CACNA2D3: variants seen among roughly 807,000 people sequenced by gnomAD.
The protein encoded by CACNA2D3 is voltage-dependent calcium channel subunit alpha-2/delta-3.
In CACNA2D3, 60 loss-of-function variants were observed where a neutral mutation model predicts 160.6. The observed-to-expected ratio is 0.37, with a 90% confidence interval of 0.30 to 0.46. The LOEUF (loss-of-function observed/expected upper bound fraction) is 0.46. CACNA2D3 is among the 20% of genes least tolerant of loss of function. CACNA2D3 has a pLI of 1.00. For synonymous variants in CACNA2D3, 558 were observed against 492.9 expected (o/e 1.13, Z -1.75); for missense variants, 1,205 against 1,365.0 (o/e 0.88, Z 1.85).
intron 30 of CACNA2D3, among the ~76,000 whole-genome samples, chr3:54,987,201 TC>T: frequency 6.6e-6 from 1 of 152,278 alleles, no homozygotes; most frequent in East Asian, 1.9e-4. Context: ...AAGGGTGGAT[TC>T]TCAACTGCAG....
At chr3:54,750,087 A>T (rs1253410427) in intron 11 of CACNA2D3, among the ~76,000 whole-genome samples, 1 of 152,224 alleles carries the variant, frequency 6.6e-6, no homozygotes, top group Non-Finnish European at 1.5e-5. Flanking sequence ...TTTTCCAAAT[A>T]GGTTGCCATC....
At chr3:54,912,776 A>G (rs1324556755) in intron 27 of CACNA2D3, among the ~76,000 whole-genome samples, 1 of 152,026 alleles carries the variant, frequency 6.6e-6, no homozygotes, top group Non-Finnish European at 1.5e-5. Context: ...CATGGGACAG[A>G]TATTTTATAT....
chr3:54,886,744 A>T (rs4309692), intron 23 of CACNA2D3, among the ~76,000 whole-genome samples: 22,716 of 151,756 alleles, frequency 0.15, 1,818 homozygotes, highest in Middle Eastern at 0.2. Flanking sequence ...ATATTATAAT[A>T]CATACAATAT....
At chr3:54,979,954 A>G (rs1210094962) in intron 29 of CACNA2D3, among the ~76,000 whole-genome samples, 1 of 152,208 alleles carries the variant, frequency 6.6e-6, no homozygotes, top group Non-Finnish European at 1.5e-5. Context: ...TTACATAACA[A>G]TTATAACTAT....
chr3:54,187,164 G>C (rs1387391874), intron 2 of CACNA2D3, among the ~76,000 whole-genome samples: 1 of 152,108 alleles, frequency 6.6e-6, no homozygotes, highest in Non-Finnish European at 1.5e-5. Flanking sequence ...TGATGAACGG[G>C]GTGACCTTGG....
At chr3:54,810,956 C>T (rs1921543) in intron 13 of CACNA2D3, among the ~76,000 whole-genome samples, 4 of 152,296 alleles carry the variant, frequency 2.6e-5, no homozygotes, top group African/African-American at 9.6e-5. Flanking sequence ...TGTGCCTCAC[C>T]TATTGTTCCT....
chr3:54,464,311 A>G (rs541684510), intron 4 of CACNA2D3, among the ~76,000 whole-genome samples: 1 of 152,292 alleles, frequency 6.6e-6, no homozygotes, highest in African/African-American at 2.4e-5. Flanking sequence ...AAGCTGTCAG[A>G]CAGGGACATT....
chr3:54,447,287 A>G (rs1168243335), intron 4 of CACNA2D3, among the ~76,000 whole-genome samples: 1 of 152,242 alleles, frequency 6.6e-6, no homozygotes, highest in Non-Finnish European at 1.5e-5. Context: ...GTTGCCAAGA[A>G]GATTAAAATT....
intron 4 of CACNA2D3, among the ~76,000 whole-genome samples, chr3:54,401,347 G>GA (rs1368341628): frequency 2.0e-5 from 3 of 152,176 alleles, no homozygotes; most frequent in African/African-American, 7.2e-5. Context: ...AATAATTGCA[G>GA]AAAACCTCCA....
chr3:55,028,458 C>T (rs1232646352), intron 35 of CACNA2D3, among the ~76,000 whole-genome samples: 1 of 152,136 alleles, frequency 6.6e-6, no homozygotes, highest in Non-Finnish European at 1.5e-5. Flanking sequence ...TCGAAAACAA[C>T]TCAGCCCATA....
At chr3:54,574,168 T>C (rs1702545285) in intron 8 of CACNA2D3, among the ~76,000 whole-genome samples, 1 of 152,112 alleles carries the variant, frequency 6.6e-6, no homozygotes, top group African/African-American at 2.4e-5. Context: ...TTTGTGGAGA[T>C]AGCTCACTGT....
At chr3:54,203,808 T>A (rs534442861) in intron 2 of CACNA2D3, among the ~76,000 whole-genome samples, 1 of 152,218 alleles carries the variant, frequency 6.6e-6, no homozygotes, top group East Asian at 1.9e-4. Context: ...CTTCCGCTGA[T>A]GTGCCTCTTG....
At chr3:54,716,976 G>A (rs1312864880) in intron 11 of CACNA2D3, among the ~76,000 whole-genome samples, 1 of 151,622 alleles carries the variant, frequency 6.6e-6, no homozygotes, top group African/African-American at 2.4e-5. Context: ...AACCTGCCAG[G>A]ACCTTCAAGC....
At chr3:54,300,817 C>G (rs1298173995) in intron 2 of CACNA2D3, among the ~76,000 whole-genome samples, 2 of 151,956 alleles carry the variant, frequency 1.3e-5, no homozygotes, top group Admixed American at 6.6e-5. Context: ...ACGTTCAAGA[C>G]CAGCCTGGGC....
At chr3:54,875,202 C>G (rs1019160561) in intron 18 of CACNA2D3, 1 of 152,108 alleles carries the variant, frequency 6.6e-6, no homozygotes, top group Non-Finnish European at 1.5e-5. Context: ...CCAGCTCATG[C>G]TTGAGCTCTG....
chr3:54,642,595 A>G lies in CACNA2D3; in HGVS notation c.1167+354A>G, dbSNP rs1233171391. On this transcript the variant is annotated intron_variant, in intron 11 of 37. Transcript: ENST00000474759. ...CATCTATACAATGGTGAAATCAGTC[A>G]TGGTAGCCCTGCAGGCCTCTCCTTT... 3.3e-5 allele frequency among the ~76,000 whole-genome samples: 5 copies of G among 152,098 alleles called. No individual in the cohort carries two copies. The East Asian group carries it at 5.8e-4, about 18-fold the overall frequency.
chr3:54,182,323 T>C (rs1409560118), intron 2 of CACNA2D3, among the ~76,000 whole-genome samples: 1 of 152,246 alleles, frequency 6.6e-6, no homozygotes, highest in East Asian at 1.9e-4. Context: ...GCTTTTTGTC[T>C]CACTTGATAA....
intron 11 of CACNA2D3, among the ~76,000 whole-genome samples, chr3:54,705,405 C>G (rs886927849): frequency 6.6e-6 from 1 of 152,164 alleles, no homozygotes; most frequent in African/African-American, 2.4e-5. Context: ...AGAAGAAAAA[C>G]TTGGCCTTTG....
intron 13 of CACNA2D3, among the ~76,000 whole-genome samples, chr3:54,787,405 C>G (rs1702662313): frequency 6.6e-6 from 1 of 152,180 alleles, no homozygotes; most frequent in Non-Finnish European, 1.5e-5. Flanking sequence ...ACCAGAAGCA[C>G]AATTGATTTC....
Sources: gnomAD v4.1 joint callset for allele counts (sites outside exome capture counted in the v4.1 genomes callset) on GRCh38, gnomAD v4.1.1 for gene constraint, MANE v1.5 for transcripts, NCBI Gene and HGNC (gene_info 2026-07-23, HGNC 2026-07-21) for gene names.